NBR1: variants seen among roughly 807,000 people sequenced by gnomAD.
NBR1 encodes NBR1 autophagy cargo receptor, also known as next to BRCA1 gene 1 protein.
NBR1 carries 59 observed loss-of-function variants against 115.5 expected under a neutral mutation model. The ratio of observed to expected loss-of-function variants is 0.51; its 90% confidence interval spans 0.41 to 0.63. NBR1 has a LOEUF of 0.63. Among genes scored for constraint, NBR1 ranks in the 30% least tolerant of loss-of-function variants. The pLI is 0.00. For synonymous variants in NBR1, 373 were observed against 414.7 expected, an observed-to-expected ratio of 0.90 and a Z score of 1.22; for missense variants, 1,043 against 1,150.5, an observed-to-expected ratio of 0.91 and a Z score of 1.35.
intron 10 of NBR1, among the ~76,000 whole-genome samples, chr17:43,191,805 T>TCCAC: frequency 6.6e-6 from 1 of 152,156 alleles, no homozygotes; most frequent in East Asian, 1.9e-4. Flanking sequence ...CACTGCCAGC[T>TCCAC]CTGCTTTCGG....
At chr17:43,197,261 T>G (rs2057090359) in intron 16 of NBR1, among the ~76,000 whole-genome samples, 155 bp downstream of exon 16, 1 of 152,236 alleles carries the variant, frequency 6.6e-6, no homozygotes, top group Non-Finnish European at 1.5e-5. Context: ...GGCTCAAGCC[T>G]GTAATCCCAG....
chr17:43,191,308 G>A, intron 9 of NBR1, 64 bp from the exon 10 acceptor site: 3 of 1,208,994 alleles, frequency 2.5e-6, no homozygotes, highest in Non-Finnish European at 3.6e-6. Flanking sequence ...ATTGCAATTG[G>A]CTCCACATAG....
intron 9 of NBR1, 75 bp from the exon 10 acceptor site, chr17:43,191,297 A>C: frequency 7.5e-5 from 72 of 958,656 alleles, no homozygotes; most frequent in Non-Finnish European, 1.1e-4. Context: ...CACTGATGGA[A>C]ATTGCAATTG....
At chr17:43,201,846 A>G in intron 18 of NBR1, 66 bp downstream of exon 18, 1 of 906,638 alleles carries the variant, frequency 1.1e-6, no homozygotes, top group Non-Finnish European at 1.8e-6. Flanking sequence ...AGGTATAAAT[A>G]GCCTCTCTCT....
chr17:43,193,144 T>C lies in NBR1; in HGVS notation c.1124T>C (p.Phe375Ser). The change falls in exon 11 of 21, where the codon TTT becomes TCT. Residue 375 changes from phenylalanine (F) to serine (S), a missense_variant. Transcript: ENST00000590996. ...GTTATGCCAATGCTCAGTGCAGCAT[T>C]TGTGGATGAGAATTTGCCTGATGGG... ...TSVMPMLSAA[F>S]VDENLPDGTH... 6.2e-7 allele frequency: 1 copy of C among 1,613,940 alleles called. No individual in the cohort carries two copies. The highest frequency in any genetic ancestry group is 8.5e-7 in the Non-Finnish European group (1 of 1,179,892).
intron 5 of NBR1, among the ~76,000 whole-genome samples, chr17:43,181,668 CAAAA>C (rs1016342240): frequency 6.8e-6 from 1 of 146,936 alleles, no homozygotes; most frequent in Middle Eastern, 3.8e-3. Flanking sequence ...TGTCTCAAAA[CAAAA>C]AAAACAAACA....
intron 2 of NBR1, chr17:43,176,732 A>T (rs2056526068): frequency 6.6e-6 from 1 of 151,910 alleles, no homozygotes; most frequent in Admixed American, 6.6e-5. Context: ...AAAATCAGTT[A>T]TCTTTCTTTT....
At chr17:43,178,100 G>A (rs1420970183) in intron 3 of NBR1, 102 bp downstream of exon 3, 3 of 1,365,720 alleles carry the variant, frequency 2.2e-6, no homozygotes, top group African/African-American at 1.4e-5. Context: ...TAGCTTATTT[G>A]TGTGGTGGTT....
intron 14 of NBR1, 37 bp downstream of exon 14, chr17:43,195,076 T>C: frequency 6.5e-7 from 1 of 1,533,174 alleles, no homozygotes. Flanking sequence ...TTCGTCTTAC[T>C]AATAGGCACA....
At position 43,211,471 on chromosome 17, in the gene NBR1, A is replaced by G. The variant is rs954538947; in HGVS notation, c.*1397A>G. On this transcript the variant is annotated 3_prime_UTR_variant, in exon 21 of 21. Coordinates refer to ENST00000590996, the MANE Select transcript of NBR1 (RefSeq NM_005899.5). ...TAAATAAACCAGGATTCAAACTGCA[A>G]GCCAGCCAGGCCGTTCATTATTTAA... 2 of 152,644 alleles carry G rather than the reference A, an allele frequency of 1.3e-5. No individual in the cohort carries two copies. The highest frequency in any genetic ancestry group is 2.9e-5 in the Non-Finnish European group (2 of 68,056). 9.5% of individuals were successfully genotyped at this position (152,644 alleles called of 1,614,324 possible). A position where few individuals can be genotyped will look rare whatever the true frequency, so the allele number is the denominator to read the frequency against.
At chr17:43,188,958 GA>G in intron 6 of NBR1, 83 bp from the exon 7 acceptor site, 2 of 977,080 alleles carry the variant, frequency 2.0e-6, no homozygotes, top group Middle Eastern at 2.1e-4. Context: ...TTTCACAAAA[GA>G]AACCTCAAAA....
intron 1 of NBR1, among the ~76,000 whole-genome samples, chr17:43,175,346 A>C (rs1463625186): frequency 1.3e-5 from 2 of 152,220 alleles, no homozygotes; most frequent in East Asian, 1.9e-4. Flanking sequence ...CAGAGACCTT[A>C]TCTCTCTTAT....
At chr17:43,192,380 G>C (rs2056969000) in intron 10 of NBR1, among the ~76,000 whole-genome samples, 1 of 150,174 alleles carries the variant, frequency 6.7e-6, no homozygotes, top group African/African-American at 2.5e-5. Context: ...TTTTGTTTTT[G>C]AGACGGAGTC....
rs779762144 is a variant in NBR1, at chr17:43,189,023, G to C, written c.403-19G>C. 6.4e-7 allele frequency: 1 copy of C among 1,571,536 alleles called. No homozygotes were observed. The highest frequency in any genetic ancestry group is 1.1e-5 in the South Asian group (1 of 90,100). ...TAGAAAAAGTAACCTCTAACATCTC[G>C]GCTTGTGTTTTCTCCCAGTCGTTTC... On this transcript the variant is annotated intron_variant, in intron 6 of 20. Transcript: ENST00000590996.
chr17:43,179,631 C>T (rs944724860), intron 4 of NBR1, among the ~76,000 whole-genome samples: 2 of 152,168 alleles, frequency 1.3e-5, no homozygotes, highest in African/African-American at 2.4e-5. Context: ...GGGAGGTTCT[C>T]ATATTTAAGA....
chr17:43,208,958 C>A (rs1286276988), intron 20 of NBR1, among the ~76,000 whole-genome samples: 1 of 152,056 alleles, frequency 6.6e-6, no homozygotes, highest in African/African-American at 2.4e-5. Context: ...CAGAGTGACA[C>A]CCTGTCTCAA....
chr17:43,189,200 G>T, intron 7 of NBR1, 81 bp downstream of exon 7: 5 of 1,021,914 alleles, frequency 4.9e-6, no homozygotes, highest in Non-Finnish European at 7.8e-6. Context: ...CTGAACCCAG[G>T]TGGCTGCTGC....
chr17:43,190,093 C>T (rs988114963), intron 8 of NBR1: 356 of 214,334 alleles, frequency 1.7e-3, no homozygotes, highest in East Asian at 0.014. Flanking sequence ...TTCCAAATGC[C>T]TTTTTTTTTT....
Position 43,197,002 on chromosome 17 carries a change from A to G in NBR1, c.1922A>G (p.Glu641Gly). 1 of 1,614,034 alleles carries G rather than the reference A, an allele frequency of 6.2e-7. No individual in the cohort carries two copies. The highest frequency in any genetic ancestry group is 1.1e-5 in the South Asian group (1 of 91,092). ...ATTGCTTCTGTGGAGGAAGCAGAAG[A>G]AGACCTGAGTGGGACCCAGTTTGTG... is the stretch of plus-strand genomic sequence containing the variant. ...ENIASVEEAE[E>G]DLSGTQFVCE... The change falls in exon 16 of 21, where the codon GAA becomes GGA. Residue 641 changes from glutamate (E) to glycine (G), a missense_variant. By Grantham distance (98) the Glu-to-Gly change is moderately conservative. Coordinates refer to ENST00000590996, the MANE Select transcript of NBR1 (RefSeq NM_005899.5).
Sources: gnomAD v4.1 joint callset for allele counts (sites outside exome capture counted in the v4.1 genomes callset) on GRCh38, gnomAD v4.1.1 for gene constraint, MANE v1.5 for transcripts, NCBI Gene and HGNC (gene_info 2026-07-23, HGNC 2026-07-21) for gene names.